KANK1: variants seen among roughly 807,000 people sequenced by gnomAD.
KANK1 encodes KN motif and ankyrin repeat domain-containing protein 1.
A neutral mutation model predicts 106.2 loss-of-function variants in KANK1; 109 were observed. The observed-to-expected ratio is 1.03, with a 90% CI of 0.88 to 1.20. The LOEUF (loss-of-function observed/expected upper bound fraction) is 1.20, where lower values mean the gene tolerates loss of function less well. Ranked by LOEUF, KANK1 falls within the 50% of genes most tolerant of loss-of-function variation. KANK1 has a pLI of 0.00. For missense variants in KANK1, 2,399 were observed against 1,710.7 expected (o/e 1.40, Z -7.10); for synonymous variants, 873 against 652.2 (o/e 1.34, Z -5.16).
intron 3 of KANK1, chr9:476,532 A>G (rs1224516581): frequency 1.3e-5 from 2 of 152,150 alleles, no homozygotes; most frequent in Admixed American, 1.3e-4. Flanking sequence ...CAAAAACAAA[A>G]AAAAAATCCC....
chr9:666,771 C>T (rs1339926121), intron 1 of KANK1, among the ~76,000 whole-genome samples: 1 of 152,128 alleles, frequency 6.6e-6, no homozygotes, highest in African/African-American at 2.4e-5. Flanking sequence ...ACCATCTTTG[C>T]ATCCCTGGGG....
At chr9:607,164 A>G (rs1403039273) in intron 1 of KANK1, among the ~76,000 whole-genome samples, 1 of 151,748 alleles carries the variant, frequency 6.6e-6, no homozygotes, top group African/African-American at 2.4e-5. Flanking sequence ...GCACTAAGGT[A>G]AACTTTGGCA....
intron 1 of KANK1, among the ~76,000 whole-genome samples, chr9:601,614 C>A (rs1201475512): frequency 6.6e-6 from 1 of 151,768 alleles, no homozygotes; most frequent in African/African-American, 2.4e-5. Flanking sequence ...TAGTGCTATT[C>A]GTGTGGACTC....
At chr9:714,099 T>C (rs1371211057) in intron 3 of KANK1, among the ~76,000 whole-genome samples, 1 of 152,030 alleles carries the variant, frequency 6.6e-6, no homozygotes, top group Non-Finnish European at 1.5e-5. Context: ...TAAAAATCAT[T>C]ATTACTTGGA....
At chr9:619,282 C>G (rs1376925535) in intron 1 of KANK1, among the ~76,000 whole-genome samples, 1 of 152,108 alleles carries the variant, frequency 6.6e-6, no homozygotes, top group African/African-American at 2.4e-5. Flanking sequence ...CCACACAGTA[C>G]TTAAAACCAT....
intron 3 of KANK1, among the ~76,000 whole-genome samples, chr9:479,384 C>T (rs748700249): frequency 9.2e-5 from 14 of 152,184 alleles, no homozygotes; most frequent in Non-Finnish European, 1.9e-4. Context: ...ATGCAGGGGA[C>T]GGGGGCTTGA....
At chr9:710,416 G>A (rs1158764975) in intron 2 of KANK1, among the ~76,000 whole-genome samples, 8 of 151,890 alleles carry the variant, frequency 5.3e-5, no homozygotes, top group South Asian at 2.1e-4. Flanking sequence ...TCAGGAGTTC[G>A]AGACCAGCCT....
At chr9:688,419 A>G (rs560574293) in intron 2 of KANK1, among the ~76,000 whole-genome samples, 1 of 152,306 alleles carries the variant, frequency 6.6e-6, no homozygotes, top group East Asian at 1.9e-4. Context: ...CTGCCTGGCC[A>G]ACGGGGTGAA....
At chr9:470,463 T>G (rs1392507151) in intron 1 of KANK1, 1 of 152,294 alleles carries the variant, frequency 6.6e-6, no homozygotes, top group African/African-American at 2.4e-5. Context: ...GGGAACCAAG[T>G]AAAGTAAAAT....
At chr9:512,249 G>GTGTGTGTGTGTATATA (rs370159663) in intron 1 of KANK1, among the ~76,000 whole-genome samples, 2 of 149,506 alleles carry the variant, frequency 1.3e-5, no homozygotes, top group African/African-American at 5.0e-5. Context: ...GTGTGTGTGT[G>GTGTGTGTGTGTATATA]TATGTATATA....
intron 9 of KANK1, among the ~76,000 whole-genome samples, chr9:741,779 G>A (rs915468134): frequency 3.3e-5 from 5 of 151,828 alleles, no homozygotes; most frequent in Non-Finnish European, 7.4e-5. Context: ...GAGCTACTGC[G>A]CCAGCCCCTG....
At chr9:472,224 C>T (rs1486164006) in intron 2 of KANK1, among the ~76,000 whole-genome samples, 2 of 152,320 alleles carry the variant, frequency 1.3e-5, no homozygotes, top group East Asian at 3.9e-4. Flanking sequence ...GACCAGTTTC[C>T]CTGACCTCCC....
At chr9:670,226 C>G (rs1236727259) in intron 1 of KANK1, among the ~76,000 whole-genome samples, 2 of 152,122 alleles carry the variant, frequency 1.3e-5, no homozygotes, top group Non-Finnish European at 1.5e-5. Context: ...GGGTCAGTCA[C>G]TGGTTCCTTG....
chr9:590,506 T>G (rs1824587251), intron 1 of KANK1, among the ~76,000 whole-genome samples: 2 of 152,186 alleles, frequency 1.3e-5, no homozygotes, highest in African/African-American at 4.8e-5. Context: ...AGAGACTTCA[T>G]GCATTATTAT....
intron 1 of KANK1, among the ~76,000 whole-genome samples, chr9:611,724 ACT>A (rs1368548770): frequency 6.6e-6 from 1 of 151,836 alleles, no homozygotes; most frequent in Non-Finnish European, 1.5e-5. Context: ...TGACCATCTA[ACT>A]CTTTTTTTTG....
chr9:640,750 A>G (rs904448118), intron 1 of KANK1, among the ~76,000 whole-genome samples: 4 of 144,308 alleles, frequency 2.8e-5, no homozygotes, highest in African/African-American at 1.0e-4. Flanking sequence ...AGGCTGCAGT[A>G]CAGTGGTGCA....
intron 2 of KANK1, chr9:693,897 C>A: frequency 1.2e-6 from 1 of 857,186 alleles, no homozygotes; most frequent in Non-Finnish European, 1.4e-6. Context: ...TTTGCTTTTA[C>A]TTCAAGCTAG....
chr9:558,548 T>G (rs1367366396), intron 1 of KANK1, among the ~76,000 whole-genome samples: 1 of 152,220 alleles, frequency 6.6e-6, no homozygotes, highest in Admixed American at 6.5e-5. Context: ...CTGTATCTCA[T>G]GCCTAAATGA....
intron 1 of KANK1, among the ~76,000 whole-genome samples, chr9:560,839 C>T (rs1816229756): frequency 6.6e-6 from 1 of 151,934 alleles, no homozygotes; most frequent in Non-Finnish European, 1.5e-5. Flanking sequence ...CACAATTAAG[C>T]TCTACTGAAT....
Sources: gnomAD v4.1 joint callset for allele counts (sites outside exome capture counted in the v4.1 genomes callset) on GRCh38, gnomAD v4.1.1 for gene constraint, MANE v1.5 for transcripts, NCBI Gene and HGNC (gene_info 2026-07-23, HGNC 2026-07-21) for gene names.